The following FGD4 variants were observed in gnomAD, a reference collection of about 807,000 sequenced individuals.
FGD4 encodes FYVE, RhoGEF and PH domain containing 4, also known as FYVE, RhoGEF and PH domain-containing protein 4.
In FGD4, 42 loss-of-function variants were observed where a neutral mutation model predicts 102.0. The observed-to-expected ratio is 0.41, with a 90% CI of 0.32 to 0.53. The LOEUF (loss-of-function observed/expected upper bound fraction) is 0.53. FGD4 is among the 20% of genes least tolerant of loss of function. The pLI is 0.21. For synonymous variants in FGD4, 380 were observed against 375.7 expected (o/e 1.01, Z -0.13); for missense variants, 902 against 1,078.2 (o/e 0.84, Z 2.29).
chr12:32,625,522 A>G, intron 13 of FGD4, 132 bp from the exon 14 acceptor site: 6 of 1,150,988 alleles, frequency 5.2e-6, no homozygotes, highest in Middle Eastern at 2.9e-4. Context: ...CGCCTGCCTC[A>G]GCTTCCGAAA....
At chr12:32,443,543 T>G (rs1337027834) in intron 1 of FGD4, among the ~76,000 whole-genome samples, 1 of 148,890 alleles carries the variant, frequency 6.7e-6, no homozygotes, top group African/African-American at 2.5e-5. Flanking sequence ...GGTTTTTTTT[T>G]TTTTTTTTTT....
chr12:32,599,081 A>G (rs1430612843), intron 5 of FGD4, among the ~76,000 whole-genome samples: 1 of 152,204 alleles, frequency 6.6e-6, no homozygotes, highest in Non-Finnish European at 1.5e-5. Flanking sequence ...CCTGGCATAA[A>G]GTTGCCCAGC....
At chr12:32,563,085 C>CG (rs1191790461) in intron 1 of FGD4, among the ~76,000 whole-genome samples, 3 of 146,670 alleles carry the variant, frequency 2.0e-5, no homozygotes, top group African/African-American at 2.5e-5. Context: ...GCTGGCCGGG[C>CG]GGGGGGCTGA....
chr12:32,565,094 A>G (rs1945073492), intron 2 of FGD4, among the ~76,000 whole-genome samples: 1 of 152,262 alleles, frequency 6.6e-6, no homozygotes, highest in East Asian at 1.9e-4. Flanking sequence ...ATCAGTTTCT[A>G]TTTTTATTTA....
chr12:32,439,374 G>A (rs567000400), intron 1 of FGD4, among the ~76,000 whole-genome samples: 15 of 152,296 alleles, frequency 9.8e-5, no homozygotes, highest in African/African-American at 3.4e-4. Context: ...GAACACTTAG[G>A]TTGATTCCAT....
At chr12:32,584,869 G>C (rs991027941) in intron 4 of FGD4, among the ~76,000 whole-genome samples, 1 of 152,058 alleles carries the variant, frequency 6.6e-6, no homozygotes, top group Non-Finnish European at 1.5e-5. Context: ...TGTTAGATTT[G>C]ATGGGCATTT....
At position 32,399,633 on chromosome 12, in the gene FGD4, C is replaced by A. The variant is rs944572306; in HGVS notation, c.-161C>A. The A allele has an allele frequency of 1.4e-6, 2 of 1,403,760 alleles. No individual in the cohort carries two copies. The highest frequency in any genetic ancestry group is 2.6e-4 in the Middle Eastern group (1 of 3,794). The allele number at this position is 1,403,760 out of a possible 1,614,324, so 87.0% of individuals were successfully genotyped here. ...GCCGCGACGCCGGGAGGGAGCGTAC[C>A]GGGAAGGAGAGGGAGAGGAGGCACT... On this transcript the variant is annotated 5_prime_UTR_variant, in exon 1 of 17. Coordinates refer to ENST00000534526, the MANE Select transcript of FGD4 (RefSeq NM_001370298.3).
At chr12:32,450,672 G>A (rs750701405) in intron 1 of FGD4, among the ~76,000 whole-genome samples, 1 of 152,132 alleles carries the variant, frequency 6.6e-6, no homozygotes, top group Non-Finnish European at 1.5e-5. Context: ...CTCCTTTCAG[G>A]CTTTCTTGGT....
chr12:32,412,899 A>ATTTT lies in FGD4; in HGVS notation c.166+12962_166+12965dup, dbSNP rs869107334. 9.4e-3 allele frequency among the ~76,000 whole-genome samples: 820 copies of ATTTT among 86,944 alleles called. 35 individuals are homozygous for ATTTT. Among genetic ancestry groups the ATTTT allele is most frequent in the African/African-American group, 0.015 (271 of 18,282 alleles). 57.0% of individuals were successfully genotyped at this position (86,944 alleles called of 152,430 possible). ...CTGTCCAGAGACCCCTTTTCTAGAA[A>ATTTT]TTTTTTTTTTTTTTTTTTTTTTTTT... On this transcript the variant is annotated intron_variant, in intron 1 of 16. Coordinates refer to ENST00000534526, the MANE Select transcript of FGD4 (RefSeq NM_001370298.3).
chr12:32,409,352 G>A (rs1941102399), intron 1 of FGD4, among the ~76,000 whole-genome samples: 2 of 142,360 alleles, frequency 1.4e-5, no homozygotes, highest in African/African-American at 5.3e-5. Context: ...GCAATGGTGC[G>A]ATCTCCGCTC....
intron 15 of FGD4, among the ~76,000 whole-genome samples, chr12:32,637,307 G>A (rs1010552273): frequency 6.6e-6 from 1 of 151,938 alleles, no homozygotes; most frequent in Non-Finnish European, 1.5e-5. Flanking sequence ...TATAAATAAA[G>A]GAGGCTTGGC....
At chr12:32,495,283 G>A (rs892268541) in intron 1 of FGD4, among the ~76,000 whole-genome samples, 1 of 152,140 alleles carries the variant, frequency 6.6e-6, no homozygotes, top group Admixed American at 6.5e-5. Flanking sequence ...CTAGCCCAGA[G>A]TTTGTGAACC....
intron 1 of FGD4, among the ~76,000 whole-genome samples, chr12:32,430,712 A>G (rs1231805565): frequency 6.6e-6 from 1 of 152,212 alleles, no homozygotes; most frequent in African/African-American, 2.4e-5. Context: ...AGAATTAGGT[A>G]AGCCTTTCCC....
rs1315664436 is a variant in FGD4 at position 32,421,256 on chromosome 12, T to C, written c.166+21297T>C. Among the ~76,000 whole-genome samples, 3 of 152,232 alleles carry C rather than the reference T, an allele frequency of 2.0e-5. No individual in the cohort carries two copies. In the East Asian group the frequency reaches 5.8e-4, roughly 29 times the overall value. The stretch of plus-strand genomic sequence containing the variant: ...GCAAACTAAATAACATCAGTGGTAC[T>C]CAGCTTTCCTTGTGTGTCTACACCA... On this transcript the variant is annotated intron_variant, in intron 1 of 16. Coordinates refer to ENST00000534526, the MANE Select transcript of FGD4 (RefSeq NM_001370298.3).
At chr12:32,568,109 T>G (rs1565851865) in intron 2 of FGD4, among the ~76,000 whole-genome samples, 1 of 152,238 alleles carries the variant, frequency 6.6e-6, no homozygotes, top group Non-Finnish European at 1.5e-5. Flanking sequence ...AGTAAGTAAA[T>G]ATTTTTGAAG....
rs529819770 is a variant in FGD4 at position 32,566,193 on chromosome 12, A to G, written c.319+1904A>G. Among the ~76,000 whole-genome samples the G allele has an allele frequency of 8.5e-5, 13 of 152,256 alleles. No homozygotes were observed. In the South Asian group the frequency reaches 2.7e-3, roughly 32 times the overall value. On this transcript the variant is annotated intron_variant, in intron 2 of 16. Coordinates refer to ENST00000534526, the MANE Select transcript of FGD4 (RefSeq NM_001370298.3). Reference sequence around the variant, plus strand: ...CCTGCTTTGTGGTCCATAGATGGCCATCTTTTCACTATAACCTCACAGGGT... The same window carrying G: ...CCTGCTTTGTGGTCCATAGATGGCCGTCTTTTCACTATAACCTCACAGGGT...
intron 1 of FGD4, among the ~76,000 whole-genome samples, chr12:32,444,303 G>A (rs1462083403): frequency 3.3e-5 from 5 of 152,030 alleles, no homozygotes; most frequent in Admixed American, 2.0e-4. Context: ...GGTTACAGGC[G>A]TGACCCACTG....
intron 1 of FGD4, among the ~76,000 whole-genome samples, chr12:32,563,038 G>C (rs1181666545): frequency 1.3e-5 from 2 of 150,290 alleles, no homozygotes; most frequent in East Asian, 2.0e-4. Context: ...TGGCCGGGCG[G>C]GGGGCTGACA....
chr12:32,612,840 T>C (rs1461780434), intron 10 of FGD4, among the ~76,000 whole-genome samples: 1 of 152,216 alleles, frequency 6.6e-6, no homozygotes, highest in Non-Finnish European at 1.5e-5. Context: ...TCCTTGACCC[T>C]TTCCTTCACT....
Sources: gnomAD v4.1 joint callset for allele counts (sites outside exome capture counted in the v4.1 genomes callset) on GRCh38, gnomAD v4.1.1 for gene constraint, MANE v1.5 for transcripts, NCBI Gene and HGNC (gene_info 2026-07-23, HGNC 2026-07-21) for gene names.